The following RNH1 variants were observed in gnomAD, a reference collection of about 807,000 sequenced individuals.
RNH1 encodes ribonuclease inhibitor.
A neutral mutation model predicts 46.1 loss-of-function variants in RNH1; 38 were observed. The observed-to-expected ratio is 0.82, with a 90% CI of 0.64 to 1.08. The LOEUF is 1.08. RNH1 is among the 50% of genes least tolerant of loss of function. RNH1 has a pLI of 0.00. For missense variants in RNH1, 577 were observed against 590.7 expected, an observed-to-expected ratio of 0.98 and a Z score of 0.24; for synonymous variants, 319 against 279.1, an observed-to-expected ratio of 1.14 and a Z score of -1.43.
At chr11:499,276 T>TC in intron 5 of RNH1, 91 bp from the exon 6 acceptor site, 1 of 1,399,566 alleles carries the variant, frequency 7.1e-7, no homozygotes, top group Non-Finnish European at 9.8e-7. Context: ...GTGTCTCATC[T>TC]CCCCTCAGTC....
intron 8 of RNH1, 114 bp from the exon 9 acceptor site, chr11:498,255 C>G: frequency 3.0e-6 from 4 of 1,317,960 alleles, no homozygotes; most frequent in Non-Finnish European, 4.1e-6. Context: ...CTGACAGCCT[C>G]CCAGCAAGTG....
chr11:498,354 G>A, intron 8 of RNH1, 103 bp downstream of exon 8: 2 of 1,474,858 alleles, frequency 1.4e-6, no homozygotes, highest in East Asian at 2.3e-5. Context: ...GGTCGGAGCT[G>A]AGCCCAGCAG....
chr11:496,360 C>T (rs1042993025), intron 9 of RNH1, among the ~76,000 whole-genome samples: 1 of 152,104 alleles, frequency 6.6e-6, no homozygotes, highest in African/African-American at 2.4e-5. Flanking sequence ...ATGGTGAAAC[C>T]CCATCTCTAC....
At chr11:494,860 A>T in intron 10 of RNH1, 23 bp downstream of exon 10, 1 of 1,609,400 alleles carries the variant, frequency 6.2e-7, no homozygotes, top group Non-Finnish European at 8.5e-7. Context: ...TGGCCGCACC[A>T]CCCGCCCAGC....
intron 9 of RNH1, among the ~76,000 whole-genome samples, chr11:497,343 TCACA>T (rs1179470886): frequency 4.4e-5 from 6 of 135,866 alleles, no homozygotes; most frequent in African/African-American, 1.2e-4. Flanking sequence ...TCTCACGTGC[TCACA>T]CACGGACACT....
At position 498,920 on chromosome 11, in the gene RNH1, C is replaced by T. The variant is rs200822615; in HGVS notation, c.628G>A (p.Gly210Ser). ...QLEALKLESC[G>S]VTSDNCRDLC... Reference sequence around the variant, plus strand: ...TCCCGGCAGTTGTCTGATGTCACACCGCAGCTCTCCAGCCTGGGGACACGG... The same window carrying T: ...TCCCGGCAGTTGTCTGATGTCACACTGCAGCTCTCCAGCCTGGGGACACGG... Residue 210 changes from glycine to serine, a missense_variant, in exon 7 of 11, where the codon GGT becomes AGT. Physicochemically the swap from Gly to Ser is moderately conservative, Grantham distance 56. Coordinates refer to ENST00000354420, the MANE Select transcript of RNH1 (RefSeq NM_203387.3). 2.9e-5 allele frequency: 46 copies of T among 1,612,500 alleles called. No homozygotes were observed. Among genetic ancestry groups the T allele is most frequent in the East Asian group, 1.6e-4 (7 of 44,868 alleles).
At chr11:506,638 G>C (rs1850292858) in intron 1 of RNH1, 1 of 152,352 alleles carries the variant, frequency 6.6e-6, no homozygotes, top group Non-Finnish European at 1.5e-5. Flanking sequence ...TGTGGGAGCC[G>C]TTCGAGTCTT....
At position 499,005 on chromosome 11, in the gene RNH1, C is replaced by T. The variant is rs759526077; in HGVS notation, c.614+10G>A. ...CCACACCCCGCACCCCCCCAAGGCC[C>T]AGTGCCTACTTGAGCGCCTCCAGCT... On this transcript the variant is annotated intron_variant, in intron 6 of 10. Transcript: ENST00000354420. The T allele has an allele frequency of 2.5e-6, 4 of 1,612,882 alleles. No homozygotes were observed. The East Asian group carries it at 8.9e-5, about 36-fold the overall frequency.
chr11:498,611 T>A lies in RNH1; in HGVS notation c.802A>T (p.Ile268Phe). The A allele has an allele frequency of 6.2e-7, 1 of 1,612,548 alleles. No homozygotes were observed. Among genetic ancestry groups the A allele is most frequent in the South Asian group, 1.1e-5 (1 of 91,090 alleles). ...LRTLWIWECG[I>F]TAKGCGDLCR... is the part of the protein sequence containing the mutation. The stretch of plus-strand genomic sequence containing the variant: ...AGATCCCCGCAGCCCTTGGCAGTGA[T>A]GCCACACTCCCAGATCCTGCAGGAC... The change falls in exon 8 of 11, where the codon ATC becomes TTC. Residue 268 changes from isoleucine (I) to phenylalanine (F), a missense_variant. Physicochemically the swap from Ile to Phe is conservative, Grantham distance 21 (BLOSUM62 0). Coordinates refer to ENST00000354420, the MANE Select transcript of RNH1 (RefSeq NM_203387.3).
In RNH1 at chr11:507,158, A is replaced by G. The variant is rs1850342067; in HGVS notation, c.-306T>C. ...GTCGCGGGCCTGGAGACCCAGAGCG[A>G]GACGGCCTACTTCGTTCTCGAGCCA... is the stretch of plus-strand genomic sequence containing the variant. On this transcript the variant is annotated 5_prime_UTR_variant, in exon 1 of 11. Transcript: ENST00000354420. 1 of 152,156 alleles carries G rather than the reference A, an allele frequency of 6.6e-6. No homozygotes were observed. The highest frequency in any genetic ancestry group is 2.1e-4 in the South Asian group (1 of 4,838). 9.4% of individuals were successfully genotyped at this position (152,156 alleles called of 1,614,324 possible).
At chr11:496,030 G>GA (rs1849022659) in intron 9 of RNH1, among the ~76,000 whole-genome samples, 2 of 151,468 alleles carry the variant, frequency 1.3e-5, no homozygotes, top group Non-Finnish European at 3.0e-5. Context: ...AACATAATTA[G>GA]AGGGTCACTC....
At chr11:500,172 C>T in intron 4 of RNH1, 173 bp from the exon 5 acceptor site, 1 of 767,178 alleles carries the variant, frequency 1.3e-6, no homozygotes, top group South Asian at 1.9e-5. Flanking sequence ...GGAGGGCACG[C>T]ATGTGGCTCG....
At position 494,979 on chromosome 11, in the gene RNH1, C is replaced by A; in HGVS notation, c.1202G>T (p.Arg401Leu). 1.9e-6 allele frequency: 3 copies of A among 1,606,296 alleles called. No homozygotes were observed. Among genetic ancestry groups the A allele is most frequent in the Non-Finnish European group, 2.5e-6 (3 of 1,176,818 alleles). Residue 401 changes from arginine (R) to leucine (L), a missense_variant, in exon 10 of 11, where the codon CGT (arginine) becomes CTT (leucine). Physicochemically the swap from Arg to Leu is moderately radical, Grantham distance 102 (BLOSUM62 -2). Transcript: ENST00000354420. ...GCAGTTGTTGCTGAGGTCCAGCTCA[C>A]GCAGGCTGTGGTTGGCCAACAGGGT... ...AATLLANHSL[R>L]ELDLSNNCLG...
In RNH1 at chr11:494,637, C is replaced by A. The variant is rs183609120; in HGVS notation, c.*54G>T. 590 of 1,532,140 alleles carry A rather than the reference C, an allele frequency of 3.9e-4. 2 individuals are homozygous for A. The African/African-American group carries it at 5.6e-3, about 14-fold the overall frequency. 94.9% of individuals were successfully genotyped at this position (1,532,140 alleles called of 1,614,324 possible). A position where few individuals can be genotyped will look rare whatever the true frequency, so the allele number is the denominator to read the frequency against. On this transcript the variant is annotated 3_prime_UTR_variant, in exon 11 of 11. Transcript: ENST00000354420. ...TGAGAGCATGGCAGGGGCTGGTGGG[C>A]CCCAGGGTTGCCTCGAGGCCGGTCG...
In RNH1 at chr11:502,087, G is replaced by A; in HGVS notation, c.76C>T (p.Leu26=). 6.2e-7 allele frequency: 1 copy of A among 1,612,156 alleles called. No individual in the cohort carries two copies. The highest frequency in any genetic ancestry group is 8.5e-7 in the Non-Finnish European group (1 of 1,179,570). The change falls in exon 3 of 11, where the codon CTG becomes TTG. Residue 26 remains leucine (L), a synonymous_variant. Transcript: ENST00000354420. The surrounding 1 kb of genome is among the most constrained non-coding windows in gnomAD (Gnocchi z 5.8). ...SDARWAELLP[L]LQQCQVVRLD... is the part of the protein sequence containing the mutation. Reference sequence around the variant, plus strand: ...CTGACCACTTGGCACTGCTGGAGCAGAGGGAGGAGCTCGGCCCATCTAGCG... The same window carrying A: ...CTGACCACTTGGCACTGCTGGAGCAAAGGGAGGAGCTCGGCCCATCTAGCG...
chr11:500,706 G>C (rs919215474), intron 3 of RNH1, 52 bp from the exon 4 acceptor site: 1 of 1,588,972 alleles, frequency 6.3e-7, no homozygotes, highest in Non-Finnish European at 8.5e-7. Flanking sequence ...ACTGGCCTCA[G>C]CCTCCACCAC....
chr11:497,113 GCTCA>G (rs1366497796), intron 9 of RNH1, among the ~76,000 whole-genome samples: 1 of 134,034 alleles, frequency 7.5e-6, no homozygotes, highest in African/African-American at 2.9e-5. Flanking sequence ...ACACTCACGT[GCTCA>G]CTCGCCCATG....
chr11:494,746 T>TC lies in RNH1; in HGVS notation c.1330dup (p.Glu444GlyfsTer73). On this transcript the variant is annotated frameshift_variant, in exon 11 of 11. Transcript: ENST00000354420. LOFTEE classifies it low-confidence loss of function (END_TRUNC). ...CTTCTCCAGGGCCTGCAGCCGGTCC[T>TC]CCATCTCCTCAGACCAGTAAATGTC... is the stretch of plus-strand genomic sequence containing the variant. 1 of 1,613,946 alleles carries TC rather than the reference T, an allele frequency of 6.2e-7. No individual in the cohort carries two copies. The highest frequency in any genetic ancestry group is 8.5e-7 in the Non-Finnish European group (1 of 1,179,986).
intron 4 of RNH1, 165 bp downstream of exon 4, chr11:500,319 T>C: frequency 1.2e-6 from 1 of 859,568 alleles, no homozygotes; most frequent in Non-Finnish European, 1.8e-6. Flanking sequence ...TCCCCCCCGC[T>C]GTGAGACCGC....
Sources: gnomAD v4.1 joint callset for allele counts (sites outside exome capture counted in the v4.1 genomes callset) on GRCh38, gnomAD v4.1.1 for gene constraint, Gnocchi (gnomAD v3.1) non-coding constraint, MANE v1.5 for transcripts, NCBI Gene and HGNC (gene_info 2026-07-23, HGNC 2026-07-21) for gene names.